Variants in DMD observed in about 807,000 individuals in gnomAD.
DMD encodes the protein mutant dystrophin.
Under a neutral mutation model 330.1 loss-of-function variants are expected in DMD, and 63 were observed. That is an observed-to-expected ratio of 0.19 (90% CI 0.16 to 0.24). The LOEUF is 0.24. Among genes scored for constraint, DMD ranks in the 10% least tolerant of loss-of-function variants. The pLI is 1.00. For missense variants in DMD, 3,344 were observed against 2,684.1 expected (o/e 1.25, Z -5.43); for synonymous variants, 1,223 against 959.8 (o/e 1.27, Z -5.07).
chrX:32,407,510 T>C (rs1010855503), intron 30 of DMD, among the ~76,000 whole-genome samples: 1 of 110,835 alleles, frequency 9.0e-6, no homozygotes, highest in African/African-American at 3.3e-5. Context: ...TAGGAACACT[T>C]TTACACTGTT....
chrX:31,804,896 G>C (rs1278514565), intron 50 of DMD, among the ~76,000 whole-genome samples: 1 of 104,649 alleles, frequency 9.6e-6, no homozygotes, highest in Non-Finnish European at 1.9e-5. Context: ...CAATACTCCA[G>C]ACTGGGTGAG....
intron 36 of DMD, among the ~76,000 whole-genome samples, chrX:32,363,946 G>T (rs1356986539): frequency 9.0e-6 from 1 of 111,658 alleles, no homozygotes; most frequent in African/African-American, 3.3e-5. Flanking sequence ...AAACAATGTA[G>T]TGTCTATAAG....
At chrX:32,229,707 TATATATATATATATATATAA>T (rs2097161533) in intron 43 of DMD, among the ~76,000 whole-genome samples, 5 of 81,308 alleles carry the variant, frequency 6.1e-5, no homozygotes, top group African/African-American at 2.2e-4. Context: ...TATATATATA[TATATATATATATATATATAA>T]AATCAAAGAG....
At chrX:32,817,670 T>C (rs1021243819) in intron 5 of DMD, among the ~76,000 whole-genome samples, 5 of 112,037 alleles carry the variant, frequency 4.5e-5, no homozygotes, top group African/African-American at 6.5e-5. Flanking sequence ...ACTATCAACA[T>C]TTGATCAGAT....
chrX:32,744,786 C>G (rs1475284909), intron 7 of DMD, among the ~76,000 whole-genome samples: 1 of 111,968 alleles, frequency 8.9e-6, no homozygotes, highest in East Asian at 2.8e-4. Context: ...GATATAAACA[C>G]TTTTCATCTG....
chrX:32,347,137 G>A (rs1304889233), intron 38 of DMD, among the ~76,000 whole-genome samples: 3 of 111,334 alleles, frequency 2.7e-5, no homozygotes, highest in Non-Finnish European at 5.7e-5. Flanking sequence ...GTCAGAGACT[G>A]GTCAATAATC....
At chrX:32,954,963 T>A (rs1254888788) in intron 2 of DMD, among the ~76,000 whole-genome samples, 1 of 112,137 alleles carries the variant, frequency 8.9e-6, no homozygotes. Flanking sequence ...TTAGGTTGAT[T>A]CCACGTCTTT....
At chrX:33,282,060 C>T (rs926286867) in intron 1 of DMD, among the ~76,000 whole-genome samples, 44 of 110,517 alleles carry the variant, frequency 4.0e-4, no homozygotes, top group African/African-American at 1.4e-3. Context: ...TAGCGTCCAA[C>T]GGGCTTCCCA....
At position 32,030,640 on chromosome X, in the gene DMD, A is replaced by G. The variant is rs572040034; in HGVS notation, c.6439-62126T>C. ...CTTGGAATCATTATTTTCTAGCTCTATGACCTTGGTAAAGTCACTTGACCA... is the reference window on the plus strand; with the variant it reads ...CTTGGAATCATTATTTTCTAGCTCTGTGACCTTGGTAAAGTCACTTGACCA... On this transcript the variant is annotated intron_variant, in intron 44 of 78. Coordinates refer to ENST00000357033, the MANE Select transcript of DMD (RefSeq NM_004006.3). 2.7e-5 allele frequency among the ~76,000 whole-genome samples: 3 copies of G among 111,882 alleles called. 1 individual carries two copies. In the South Asian group the frequency reaches 1.1e-3, roughly 41 times the overall value.
chrX:31,858,349 A>T (rs1168071879), intron 48 of DMD, among the ~76,000 whole-genome samples: 5 of 111,658 alleles, frequency 4.5e-5, no homozygotes, highest in Non-Finnish European at 9.4e-5. Context: ...ATCTAAGTTT[A>T]TTCTGAATTA....
chrX:31,600,610 G>C (rs939908435), intron 55 of DMD, among the ~76,000 whole-genome samples: 1 of 91,702 alleles, frequency 1.1e-5, no homozygotes, highest in East Asian at 3.8e-4. Flanking sequence ...TACATCATTA[G>C]ACTCCTATGC....
At chrX:31,269,924 C>A (rs1483872919) in intron 62 of DMD, among the ~76,000 whole-genome samples, 2 of 111,917 alleles carry the variant, frequency 1.8e-5, no homozygotes, top group Non-Finnish European at 3.8e-5. Flanking sequence ...GGCTTTCCTG[C>A]CGTTTGGCTT....
intron 26 of DMD, among the ~76,000 whole-genome samples, chrX:32,450,377 T>A (rs2098325048): frequency 9.0e-6 from 1 of 111,466 alleles, no homozygotes; most frequent in Admixed American, 9.5e-5. Flanking sequence ...ACTTCACCGA[T>A]TTTAATTGAT....
chrX:31,879,325 T>A (rs2094022125), intron 47 of DMD, among the ~76,000 whole-genome samples: 1 of 110,285 alleles, frequency 9.1e-6, no homozygotes, highest in African/African-American at 3.3e-5. Context: ...CTATCAGATC[T>A]TGTGAAACTT....
intron 30 of DMD, among the ~76,000 whole-genome samples, chrX:32,405,658 T>G (rs2098113216): frequency 8.9e-6 from 1 of 111,805 alleles, no homozygotes; most frequent in African/African-American, 3.2e-5. Context: ...ACTGTAGCCT[T>G]GTAGTATACT....
chrX:33,322,534 T>A (rs769591246), intron 1 of DMD, among the ~76,000 whole-genome samples: 1 of 111,702 alleles, frequency 9.0e-6, no homozygotes, highest in East Asian at 2.8e-4. Context: ...TAGATCTCCA[T>A]ATATTCTTTC....
intron 29 of DMD, among the ~76,000 whole-genome samples, chrX:32,418,912 G>C (rs1603633064): frequency 1.0e-5 from 1 of 97,209 alleles, no homozygotes. Context: ...GGTAGAGCTG[G>C]CAGTGAGCTG....
chrX:32,794,142 C>T (rs1031548110), intron 7 of DMD, among the ~76,000 whole-genome samples: 1 of 111,785 alleles, frequency 8.9e-6, no homozygotes, highest in African/African-American at 3.3e-5. Context: ...TTTCAATAGA[C>T]ACAAAAGAAC....
chrX:32,778,594 T>C (rs1274549432), intron 7 of DMD, among the ~76,000 whole-genome samples: 1 of 112,260 alleles, frequency 8.9e-6, no homozygotes, highest in African/African-American at 3.2e-5. Flanking sequence ...CAGCAGGGCT[T>C]TGTTCCTTTC....
Sources: gnomAD v4.1 joint callset for allele counts (sites outside exome capture counted in the v4.1 genomes callset) on GRCh38, gnomAD v4.1.1 for gene constraint, MANE v1.5 for transcripts, NCBI Gene and HGNC (gene_info 2026-07-23, HGNC 2026-07-21) for gene names.